The following FGD6 variants were observed in gnomAD, a reference collection of about 807,000 sequenced individuals.
FGD6 encodes the protein FYVE, RhoGEF and PH domain containing 6.
A neutral mutation model predicts 149.4 loss-of-function variants in FGD6; 90 were observed. The ratio of observed to expected loss-of-function variants is 0.60; its 90% CI spans 0.51 to 0.72. The LOEUF (loss-of-function observed/expected upper bound fraction) is 0.72. FGD6 is among the 30% of genes least tolerant of loss of function. The pLI is 0.00. For missense variants in FGD6, 1,437 were observed against 1,684.8 expected, an observed-to-expected ratio of 0.85 and a Z score of 2.57; for synonymous variants, 527 against 584.0, an observed-to-expected ratio of 0.90 and a Z score of 1.41.
intron 2 of FGD6, chr12:95,189,303 A>C (rs1442964902): frequency 6.6e-6 from 1 of 152,222 alleles, no homozygotes; most frequent in Non-Finnish European, 1.5e-5. Context: ...TTTGCTTCTT[A>C]ACACTGTGAG....
In FGD6 at chr12:95,172,665, A is replaced by C. The variant is rs1422678984; in HGVS notation, c.2521T>G (p.Ser841Ala). The part of the protein sequence containing the change: ...PSDEEEIINS[S>A]DEDDVSSESS... ...TCAGAGCTGACATCATCTTCATCAG[A>C]ACTGTTGATGATTTCCTCCTCATCA... The change falls in exon 3 of 21, where the codon TCT (serine) becomes GCT (alanine). Residue 841 changes from serine (S) to alanine (A), a missense_variant. Ser to Ala is a moderately conservative substitution (Grantham distance 99). Around this residue, in one of 2 missense-constraint regions of FGD6, gnomAD observed 1,055 missense variants for 1,146.0 expected, o/e 0.92. Coordinates refer to ENST00000343958, the MANE Select transcript of FGD6 (RefSeq NM_018351.4). 1 of 1,612,920 alleles carries C rather than the reference A, an allele frequency of 6.2e-7. No homozygotes were observed. Among genetic ancestry groups the C allele is most frequent in the Non-Finnish European group, 8.5e-7 (1 of 1,179,212 alleles).
chr12:95,159,272 C>T lies in FGD6; in HGVS notation c.2587-6279G>A, dbSNP rs571190161. Among the ~76,000 whole-genome samples the T allele has an allele frequency of 2.1e-4, 32 of 152,190 alleles. 1 individual carries two copies. The South Asian group carries it at 6.6e-3, about 32-fold the overall frequency. ...ATTACACAGACTTGTGTAGAGGAGG[C>T]TACTCCATACAAAAATTAACTAAAA... On this transcript the variant is annotated intron_variant, in intron 3 of 20. Transcript: ENST00000343958.
In FGD6 at chr12:95,183,749, G is replaced by A. The variant is rs141805411; in HGVS notation, c.2442-11005C>T. On this transcript the variant is annotated intron_variant, in intron 2 of 20. Transcript: ENST00000343958. ...GCTACCTGGGAGGATGAGATGGGAG[G>A]ATGGCTTGAACCCACAAGTTTGAAG... 5.8e-3 allele frequency among the ~76,000 whole-genome samples: 887 copies of A among 152,240 alleles called. 5 individuals are homozygous for A. The highest frequency in any genetic ancestry group is 9.7e-3 in the Non-Finnish European group (661 of 68,010).
intron 14 of FGD6, among the ~76,000 whole-genome samples, chr12:95,099,342 C>A (rs576465325): frequency 6.6e-6 from 1 of 152,112 alleles, no homozygotes. Context: ...TGGAGTCACA[C>A]GCAGATCCGT....
chr12:95,215,713 C>T lies in FGD6; in HGVS notation c.16+1512G>A, dbSNP rs531634684. 3.3e-4 allele frequency among the ~76,000 whole-genome samples: 50 copies of T among 152,286 alleles called. No homozygotes were observed. In the South Asian group the frequency reaches 0.01, roughly 32 times the overall value. ...GCATTATTTTAGGATAATTCAAATG[C>T]AAGAATCATGAACTTCCAGTCTGGG... On this transcript the variant is annotated intron_variant, in intron 1 of 20. Coordinates refer to ENST00000343958, the MANE Select transcript of FGD6 (RefSeq NM_018351.4).
intron 2 of FGD6, among the ~76,000 whole-genome samples, chr12:95,173,010 T>C (rs12307639): frequency 6.6e-6 from 1 of 152,184 alleles, no homozygotes; most frequent in African/African-American, 2.4e-5. Flanking sequence ...TGCTTCTATA[T>C]ATCCCTCCCA....
Position 95,209,544 on chromosome 12 carries a change from T to C in FGD6, c.1740A>G (p.Pro580=), listed in dbSNP as rs2056712368. The part of the protein sequence containing the change: ...PHPILPFSGN[P]EFLKSVTVSS... The stretch of plus-strand genomic sequence containing the variant: ...ATACGGTGACAGACTTTAAGAATTC[T>C]GGGTTCCCTGAAAAGGGTAAAATAG... Residue 580 remains proline (P), a synonymous_variant, in exon 2 of 21, where the codon CCA becomes CCG. Transcript: ENST00000343958. 1 of 1,614,144 alleles carries C rather than the reference T, an allele frequency of 6.2e-7. No individual in the cohort carries two copies.
At position 95,092,507 on chromosome 12, in the gene FGD6, TAAG is replaced by T. The variant is rs3835079; in HGVS notation, c.3747+189_3747+191del. ...CTGAAGTAGGAGGGTGGAAGTTCAC[TAAG>T]AAGATTGCCCCTGCCCCCTAAATAT... On this transcript the variant is annotated intron_variant, in intron 16 of 20. Coordinates refer to ENST00000343958, the MANE Select transcript of FGD6 (RefSeq NM_018351.4). 5.9e-3 allele frequency among the ~76,000 whole-genome samples: 894 copies of T among 152,332 alleles called. 41 individuals are homozygous for T. In the East Asian group the frequency reaches 0.14, roughly 24 times the overall value.
In FGD6 at chr12:95,108,557, G is replaced by A. The variant is rs771667161; in HGVS notation, c.3138C>T (p.Ala1046=). Residue 1046 remains alanine (A), a synonymous_variant, in exon 10 of 21, where the codon GCC becomes GCT. Transcript: ENST00000343958. ...TGGCTACCTCTATAACAACAGCAAG[G>A]GCATCTGAAATAGGCAGGAACAAAA... ...DAGDYRDTQD[A]LAVVIEVANH... is the part of the protein sequence containing the mutation. The A allele has an allele frequency of 1.2e-6, 2 of 1,613,904 alleles. No homozygotes were observed. The highest frequency in any genetic ancestry group is 1.1e-5 in the South Asian group (1 of 91,068).
chr12:95,139,159 G>T (rs1879767677), intron 6 of FGD6, among the ~76,000 whole-genome samples: 1 of 152,146 alleles, frequency 6.6e-6, no homozygotes, highest in Non-Finnish European at 1.5e-5. Context: ...AGAAAATTAG[G>T]CTAGGTGCAG....
intron 2 of FGD6, among the ~76,000 whole-genome samples, chr12:95,177,908 A>AACTTATTT (rs1881178623): frequency 1.4e-5 from 2 of 142,302 alleles, no homozygotes; most frequent in Admixed American, 7.2e-5. Context: ...TTTAAACAAC[A>AACTTATTT]ATTTATTTAT....
Position 95,079,393 on chromosome 12 carries a change from G to A in FGD6, c.*2127C>T, listed in dbSNP as rs1313199657. The A allele has an allele frequency of 6.6e-6, 1 of 152,166 alleles. No individual in the cohort carries two copies. The highest frequency in any genetic ancestry group is 2.4e-5 in the African/African-American group (1 of 41,432). 9.4% of individuals were successfully genotyped at this position (152,166 alleles called of 1,614,324 possible). ...AGATTTAGAACTGGCTCATGATTCA[G>A]CCAGGTCTTAGAAGATAGAATAGCC... On this transcript the variant is annotated 3_prime_UTR_variant, in exon 21 of 21. Transcript: ENST00000343958.
chr12:95,202,113 G>A (rs551354231), intron 2 of FGD6, among the ~76,000 whole-genome samples: 70 of 152,030 alleles, frequency 4.6e-4, no homozygotes, highest in African/African-American at 1.5e-3. Context: ...ATATGGGCTG[G>A]CCGCGGTGAG....
intron 2 of FGD6, among the ~76,000 whole-genome samples, chr12:95,180,010 CAAG>C (rs1881234258): frequency 6.7e-6 from 1 of 148,758 alleles, no homozygotes; most frequent in Non-Finnish European, 1.5e-5. Flanking sequence ...CCTGGGAGGC[CAAG>C]GTTGCGGTCA....
chr12:95,201,453 T>G (rs1378548313), intron 2 of FGD6, among the ~76,000 whole-genome samples: 1 of 152,216 alleles, frequency 6.6e-6, no homozygotes. Flanking sequence ...TATTAGAAGC[T>G]AAATATGTTC....
chr12:95,179,382 A>T (rs1401583836), intron 2 of FGD6, among the ~76,000 whole-genome samples: 1 of 151,788 alleles, frequency 6.6e-6, no homozygotes, highest in Non-Finnish European at 1.5e-5. Context: ...CTGTGGTCCT[A>T]GCTACCTAGC....
chr12:95,142,389 C>T (rs1003183099), intron 5 of FGD6, among the ~76,000 whole-genome samples: 7 of 151,948 alleles, frequency 4.6e-5, no homozygotes, highest in African/African-American at 9.7e-5. Flanking sequence ...CTGATTCGCC[C>T]GCCTCAGCCT....
intron 2 of FGD6, among the ~76,000 whole-genome samples, chr12:95,194,786 A>G (rs548998776): frequency 6.6e-6 from 1 of 152,248 alleles, no homozygotes; most frequent in East Asian, 1.9e-4. Context: ...ATGTTAATAT[A>G]CTAGTTGTGA....
At chr12:95,199,262 A>C (rs1351663815) in intron 2 of FGD6, among the ~76,000 whole-genome samples, 4 of 152,126 alleles carry the variant, frequency 2.6e-5, no homozygotes, top group African/African-American at 9.7e-5. Flanking sequence ...GAGTGAAGAG[A>C]CTTTACTGCA....
Sources: allele counts gnomAD v4.1 joint callset (sites outside exome capture counted in the v4.1 genomes callset), GRCh38; gene constraint gnomAD v4.1.1; regional missense constraint gnomAD v4.1.1; transcripts MANE v1.5; gene names NCBI Gene and HGNC (gene_info 2026-07-23, HGNC 2026-07-21).